The following DNM2 variants were observed in gnomAD, a reference collection of about 807,000 sequenced individuals.
The protein encoded by DNM2 is dynamin 2.
A neutral mutation model predicts 99.0 loss-of-function variants in DNM2; 15 were observed. The ratio of observed to expected loss-of-function variants is 0.15; its 90% CI spans 0.10 to 0.23. The LOEUF is 0.23. Among genes scored for constraint, DNM2 ranks in the 10% least tolerant of loss-of-function variants. DNM2 has a pLI of 1.00. For missense variants in DNM2, 742 were observed against 1,189.4 expected (o/e 0.62, Z 5.53); for synonymous variants, 525 against 481.2 (o/e 1.09, Z -1.19).
Position 10,796,139 on chromosome 19 carries a change from G to C in DNM2, c.1196+700G>C, listed in dbSNP as rs1162156222. The C allele has an allele frequency of 6.2e-7, 1 of 1,614,200 alleles. No homozygotes were observed. Among genetic ancestry groups the C allele is most frequent in the East Asian group, 2.2e-5 (1 of 44,884 alleles). On this transcript the variant is annotated intron_variant, in intron 9 of 20. Coordinates refer to ENST00000389253, the MANE Select transcript of DNM2 (RefSeq NM_001005361.3). The surrounding 1 kb of genome is among the most constrained non-coding windows in gnomAD (Gnocchi z 5.6). ...TCGTCAAGCTGAAAGAGCCCTGTCT[G>C]AAATGTGTCGACCTGGTTATCCAGG...
intron 18 of DNM2, 43 bp downstream of exon 18, chr19:10,825,264 G>A (rs777210705): frequency 1.9e-6 from 3 of 1,610,142 alleles, no homozygotes; most frequent in African/African-American, 1.3e-5. Context: ...GCTGGGTGCG[G>A]TGGCTCACGC....
At chr19:10,786,275 C>A (rs2071554341) in intron 6 of DNM2, among the ~76,000 whole-genome samples, 1 of 152,232 alleles carries the variant, frequency 6.6e-6, no homozygotes, top group South Asian at 2.1e-4. Context: ...ATGGACTGTC[C>A]TTGCAAGCTG....
intron 1 of DNM2, among the ~76,000 whole-genome samples, chr19:10,737,188 A>C (rs1219583272): frequency 6.6e-6 from 1 of 152,134 alleles, no homozygotes; most frequent in Non-Finnish European, 1.5e-5. Flanking sequence ...CAGTTCCCTC[A>C]GGGTAAAAAT....
At chr19:10,819,389 C>T (rs1905379390) in intron 15 of DNM2, among the ~76,000 whole-genome samples, 1 of 152,224 alleles carries the variant, frequency 6.6e-6, no homozygotes, top group African/African-American at 2.4e-5. Flanking sequence ...CAGTCTTCCC[C>T]TCTGTAAAAT....
intron 1 of DNM2, among the ~76,000 whole-genome samples, chr19:10,728,516 A>G (rs1251064298): frequency 1.3e-5 from 2 of 152,150 alleles, no homozygotes; most frequent in Non-Finnish European, 2.9e-5. Context: ...GGAGTGAGCA[A>G]CGCGTGGCTT....
At chr19:10,753,777 C>G (rs1008366293) in intron 1 of DNM2, among the ~76,000 whole-genome samples, 4 of 151,730 alleles carry the variant, frequency 2.6e-5, no homozygotes, top group African/African-American at 9.7e-5. Flanking sequence ...CTGTCTCAGC[C>G]TCCTGAGTAG....
chr19:10,721,648 A>G (rs948683309), intron 1 of DNM2, among the ~76,000 whole-genome samples: 4 of 152,060 alleles, frequency 2.6e-5, no homozygotes, highest in South Asian at 2.1e-4. Context: ...GGCTCAAGCA[A>G]TCCTCCTGCC....
chr19:10,798,355 A>G (rs2072012705), intron 10 of DNM2, 131 bp from the exon 11 acceptor site: 2 of 704,426 alleles, frequency 2.8e-6, no homozygotes. Flanking sequence ...GGCCAGGAGC[A>G]AGGTGTGGGC....
intron 1 of DNM2, among the ~76,000 whole-genome samples, chr19:10,722,410 A>C (rs898244734): frequency 6.6e-6 from 1 of 152,170 alleles, no homozygotes; most frequent in Admixed American, 6.6e-5. Context: ...GACCCTTGTC[A>C]TTTAGCCTCA....
rs1209364156 is a variant in DNM2 at position 10,820,529 on chromosome 19, C to T, written c.1781+440C>T. 2.0e-5 allele frequency among the ~76,000 whole-genome samples: 3 copies of T among 152,190 alleles called. No individual in the cohort carries two copies. The highest frequency in any genetic ancestry group is 1.3e-4 in the Admixed American group (2 of 15,274). On this transcript the variant is annotated intron_variant, in intron 16 of 20. Transcript: ENST00000389253. The surrounding 1 kb of genome is among the most constrained non-coding windows in gnomAD (Gnocchi z 4.3). ...GCAGATTCTGGGTAGAAGAGTCAGG[C>T]GGAGCCCTGGTGGGCATGGATATGA...
intron 2 of DNM2, among the ~76,000 whole-genome samples, chr19:10,761,049 C>T (rs2070612365): frequency 1.3e-5 from 2 of 151,682 alleles, no homozygotes; most frequent in South Asian, 2.1e-4. Flanking sequence ...AATGCAGTGG[C>T]GTGATCTCGG....
intron 7 of DNM2, among the ~76,000 whole-genome samples, chr19:10,789,449 G>C (rs2071676056): frequency 2.6e-5 from 4 of 152,022 alleles, no homozygotes; most frequent in Admixed American, 6.6e-5. Flanking sequence ...CAGCACATGG[G>C]GATGCCAAGT....
rs973074095 is a variant in DNM2 at position 10,765,611 on chromosome 19, G to A, written c.235+5800G>A. Among the ~76,000 whole-genome samples, 11 of 152,178 alleles carry A rather than the reference G, an allele frequency of 7.2e-5. No homozygotes were observed. Among genetic ancestry groups the A allele is most frequent in the African/African-American group, 9.6e-5 (4 of 41,458 alleles). The stretch of plus-strand genomic sequence containing the variant: ...TTGTCCTGGACTGGGAGATATTTGC[G>A]TATTGCCTCGGATTAGAGAGAACTC... On this transcript the variant is annotated intron_variant, in intron 2 of 20. Coordinates refer to ENST00000389253, the MANE Select transcript of DNM2 (RefSeq NM_001005361.3). The surrounding 1 kb of genome is among the most constrained non-coding windows in gnomAD (Gnocchi z 4.4).
chr19:10,737,505 T>G lies in DNM2; in HGVS notation c.161+19102T>G, dbSNP rs543326434. On this transcript the variant is annotated intron_variant, in intron 1 of 20. Coordinates refer to ENST00000389253, the MANE Select transcript of DNM2 (RefSeq NM_001005361.3). ...CGTTTGGTTTCTTGTTTTCTTTTTT[T>G]GGGGTGGAGTCTTGCTCTGACTCCC... Among the ~76,000 whole-genome samples the G allele has an allele frequency of 1.1e-3, 171 of 152,240 alleles. 2 individuals are homozygous for G. The highest frequency in any genetic ancestry group is 2.3e-3 in the Non-Finnish European group (155 of 68,012).
At chr19:10,745,056 G>A (rs2069912827) in intron 1 of DNM2, among the ~76,000 whole-genome samples, 1 of 152,156 alleles carries the variant, frequency 6.6e-6, no homozygotes, top group Non-Finnish European at 1.5e-5. Context: ...AAATCACGTT[G>A]GAGACTATAA....
chr19:10,821,071 T>G (rs936462526), intron 16 of DNM2, among the ~76,000 whole-genome samples: 1 of 152,108 alleles, frequency 6.6e-6, no homozygotes, highest in Admixed American at 6.6e-5. Context: ...ACTGACGTCC[T>G]CCCTGCTGGC....
intron 7 of DNM2, among the ~76,000 whole-genome samples, chr19:10,787,298 C>A (rs184359846): frequency 6.6e-6 from 1 of 151,560 alleles, no homozygotes; most frequent in African/African-American, 2.4e-5. Context: ...AACCCCATCA[C>A]TACCAAAAAA....
chr19:10,740,894 G>A (rs191155851), intron 1 of DNM2, among the ~76,000 whole-genome samples: 45 of 152,122 alleles, frequency 3.0e-4, no homozygotes, highest in Non-Finnish European at 2.9e-5. Context: ...CATCTTTCTT[G>A]TGTTCATTTC....
chr19:10,782,832 C>T (rs1182484634), intron 5 of DNM2, 128 bp from the exon 6 acceptor site: 1 of 1,291,730 alleles, frequency 7.7e-7, no homozygotes, highest in African/African-American at 1.5e-5. Context: ...TTCTGAGTAA[C>T]ATGTTATGAC....
Sources: gnomAD v4.1 joint callset for allele counts (sites outside exome capture counted in the v4.1 genomes callset) on GRCh38, gnomAD v4.1.1 for gene constraint, Gnocchi (gnomAD v3.1) non-coding constraint, MANE v1.5 for transcripts, NCBI Gene and HGNC (gene_info 2026-07-23, HGNC 2026-07-21) for gene names.